POU6F2: variants seen among roughly 807,000 people sequenced by gnomAD.
POU6F2 encodes POU domain, class 6, transcription factor 2.
A neutral mutation model predicts 71.3 loss-of-function variants in POU6F2; 31 were observed. That is an observed-to-expected ratio of 0.43 (90% CI 0.33 to 0.59). The LOEUF is 0.59. Ranked by LOEUF, POU6F2 falls within the 20% of genes least tolerant of loss-of-function variation. The pLI is 0.04. For missense variants in POU6F2, 783 were observed against 856.8 expected (o/e 0.91, Z 1.07); for synonymous variants, 347 against 355.7 (o/e 0.98, Z 0.27).
rs769815836 is a variant in POU6F2 at position 39,086,047 on chromosome 7, T to C, written c.277+16T>C. ...AAGCTCTTCGGTAAGTCTGTCTAGGTATTTCATTTCAGTACTACCATGTTG... is the reference window on the plus strand; with the variant it reads ...AAGCTCTTCGGTAAGTCTGTCTAGGCATTTCATTTCAGTACTACCATGTTG... On this transcript the variant is annotated intron_variant, in intron 2 of 9. Coordinates refer to ENST00000518318, the MANE Select transcript of POU6F2 (RefSeq NM_001370959.1). The C allele has an allele frequency of 6.2e-7, 1 of 1,612,014 alleles. No individual in the cohort carries two copies. The highest frequency in any genetic ancestry group is 8.5e-7 in the Non-Finnish European group (1 of 1,178,914).
At chr7:39,179,557 A>G (rs1437445694) in intron 2 of POU6F2, among the ~76,000 whole-genome samples, 2 of 152,196 alleles carry the variant, frequency 1.3e-5, no homozygotes, top group East Asian at 1.9e-4. Flanking sequence ...ACACGCACAC[A>G]GTCTACAGAA....
intron 1 of POU6F2, among the ~76,000 whole-genome samples, chr7:39,031,290 A>G (rs1562678065): frequency 6.6e-6 from 1 of 152,174 alleles, no homozygotes; most frequent in Non-Finnish European, 1.5e-5. Flanking sequence ...GCTCATTAAT[A>G]TACTGTTATA....
At chr7:39,445,505 A>G (rs751791401) in intron 7 of POU6F2, among the ~76,000 whole-genome samples, 3 of 152,124 alleles carry the variant, frequency 2.0e-5, no homozygotes, top group Non-Finnish European at 2.9e-5. Context: ...GTGTCTGGCA[A>G]GCTCCTGCTC....
intron 4 of POU6F2, among the ~76,000 whole-genome samples, chr7:39,287,590 A>ATTCCCTC (rs1400550675): frequency 6.6e-6 from 1 of 152,192 alleles, no homozygotes; most frequent in African/African-American, 2.4e-5. Flanking sequence ...TTCAGGGCCT[A>ATTCCCTC]TTCCCTCTTA....
intron 2 of POU6F2, among the ~76,000 whole-genome samples, chr7:39,107,415 C>CT (rs1252261165): frequency 2.6e-5 from 4 of 152,008 alleles, no homozygotes; most frequent in African/African-American, 9.7e-5. Flanking sequence ...GTTTTTTCAA[C>CT]TTTTGTAGAC....
chr7:39,065,371 G>A (rs1029252514), intron 1 of POU6F2, among the ~76,000 whole-genome samples: 1 of 151,544 alleles, frequency 6.6e-6, no homozygotes, highest in Non-Finnish European at 1.5e-5. Context: ...TAATTCACAA[G>A]ATAGAACAAA....
At chr7:39,352,764 T>C (rs536318844) in intron 5 of POU6F2, among the ~76,000 whole-genome samples, 40 of 152,310 alleles carry the variant, frequency 2.6e-4, no homozygotes, top group African/African-American at 9.6e-4. Context: ...ATTTTTATTT[T>C]ATATTTGGGG....
intron 2 of POU6F2, among the ~76,000 whole-genome samples, chr7:39,184,915 A>G (rs966281470): frequency 8.5e-5 from 13 of 152,196 alleles, no homozygotes; most frequent in Non-Finnish European, 1.3e-4. Context: ...GGAAAGGTGG[A>G]AAAAAGTTAG....
chr7:38,993,806 G>A (rs918823810), intron 1 of POU6F2, among the ~76,000 whole-genome samples: 6 of 152,106 alleles, frequency 3.9e-5, no homozygotes, highest in Admixed American at 6.5e-5. Context: ...TTCTGAGTGC[G>A]TATTTCGGAG....
intron 7 of POU6F2, among the ~76,000 whole-genome samples, chr7:39,444,096 TC>T (rs1457953528): frequency 2.0e-5 from 3 of 152,184 alleles, no homozygotes; most frequent in Non-Finnish European, 2.9e-5. Flanking sequence ...AGAGCCTGAA[TC>T]TAAGAATGTA....
chr7:39,128,143 C>T (rs1387594959), intron 2 of POU6F2, among the ~76,000 whole-genome samples: 2 of 151,944 alleles, frequency 1.3e-5, no homozygotes, highest in Non-Finnish European at 2.9e-5. Context: ...GCCCGGCCGC[C>T]AGTGGAAAGT....
intron 1 of POU6F2, among the ~76,000 whole-genome samples, chr7:39,045,962 G>A (rs1345324942): frequency 6.6e-6 from 1 of 151,714 alleles, no homozygotes; most frequent in Non-Finnish European, 1.5e-5. Flanking sequence ...ACTTTTCTTG[G>A]GTAGATTCTT....
At chr7:39,102,409 T>C (rs1250378370) in intron 2 of POU6F2, among the ~76,000 whole-genome samples, 4 of 152,188 alleles carry the variant, frequency 2.6e-5, no homozygotes, top group Admixed American at 1.3e-4. Flanking sequence ...TCATGACTCG[T>C]GCATTTGTCT....
chr7:39,319,714 C>G (rs58167875), intron 4 of POU6F2, among the ~76,000 whole-genome samples: 58,323 of 151,988 alleles, frequency 0.38, 12,866 homozygotes, highest in East Asian at 0.65. Context: ...CATTTTCCAA[C>G]AAGAGGCCAA....
At position 39,424,821 on chromosome 7, in the gene POU6F2, C is replaced by T. The variant is rs557105913; in HGVS notation, c.1114-8256C>T. Among the ~76,000 whole-genome samples, 616 of 148,670 alleles carry T rather than the reference C, an allele frequency of 4.1e-3. 1 individual carries two copies. Among genetic ancestry groups the T allele is most frequent in the Non-Finnish European group, 6.7e-3 (449 of 66,966 alleles). ...AAAAATTTGAGGAAAAACAAGCACA[C>T]ACAAAAAAAAAAAACACAACACCTG... On this transcript the variant is annotated intron_variant, in intron 6 of 9. Coordinates refer to ENST00000518318, the MANE Select transcript of POU6F2 (RefSeq NM_001370959.1).
intron 4 of POU6F2, among the ~76,000 whole-genome samples, chr7:39,286,284 C>G (rs1014654337): frequency 1.2e-4 from 19 of 152,150 alleles, no homozygotes; most frequent in Admixed American, 6.5e-5. Flanking sequence ...AAAAGTATTT[C>G]TGTAGCAGGA....
intron 2 of POU6F2, among the ~76,000 whole-genome samples, chr7:39,181,065 G>C (rs1320308539): frequency 1.3e-5 from 2 of 152,210 alleles, no homozygotes; most frequent in African/African-American, 4.8e-5. Context: ...CCTGTTTGCA[G>C]AAAGCATCTT....
chr7:39,245,090 G>A (rs1202544258), intron 4 of POU6F2, among the ~76,000 whole-genome samples: 1 of 152,184 alleles, frequency 6.6e-6, no homozygotes, highest in African/African-American at 2.4e-5. Flanking sequence ...AATTAGCGAA[G>A]TTAAGGATTT....
At chr7:39,446,332 C>G (rs752113365) in intron 7 of POU6F2, among the ~76,000 whole-genome samples, 44 of 152,168 alleles carry the variant, frequency 2.9e-4, no homozygotes, top group Non-Finnish European at 3.2e-4. Context: ...TTTTTCCTCC[C>G]CAAGTGAGTT....
Sources: allele counts gnomAD v4.1 joint callset (sites outside exome capture counted in the v4.1 genomes callset), GRCh38; gene constraint gnomAD v4.1.1; transcripts MANE v1.5; gene names NCBI Gene and HGNC (gene_info 2026-07-23, HGNC 2026-07-21).